CDKL5: variants seen among roughly 807,000 people sequenced by gnomAD.
The protein encoded by CDKL5 is cyclin-dependent kinase-like 5.
CDKL5 carries 8 observed loss-of-function variants against 61.7 expected under a neutral mutation model. The ratio of observed to expected loss-of-function variants is 0.13; its 90% CI spans 0.08 to 0.23. The LOEUF (loss-of-function observed/expected upper bound fraction) is 0.23, where lower values mean the gene tolerates loss of function less well. Among genes scored for constraint, CDKL5 ranks in the 10% least tolerant of loss-of-function variants. The probability of loss-of-function intolerance (pLI) is 1.00; values close to 1 mark genes in which losing one functional copy is unlikely to be tolerated. For synonymous variants in CDKL5, 275 were observed against 272.3 expected (o/e 1.01, Z -0.10); for missense variants, 440 against 734.5 (o/e 0.60, Z 4.63).
intron 8 of CDKL5, 96 bp downstream of exon 8, chrX:18,584,449 T>A: frequency 6.7e-6 from 4 of 596,464 alleles, no homozygotes; most frequent in Non-Finnish European, 8.8e-6. Flanking sequence ...GAACTTCAGT[T>A]AATTAAATGT....
chrX:18,646,859 C>T (rs1424553969), intron 20 of CDKL5, among the ~76,000 whole-genome samples: 2 of 111,963 alleles, frequency 1.8e-5, no homozygotes, highest in Non-Finnish European at 3.8e-5. Flanking sequence ...TTTCTTCCTT[C>T]ATCTCTCCCC....
rs368997720 is a variant in CDKL5 at position 18,613,093 on chromosome X, TAAAAAAAAAA to T, written c.2153-47_2153-38del. The T allele has an allele frequency of 5.2e-3, 3,947 of 765,757 alleles. 13 individuals are homozygous for T. Among genetic ancestry groups the T allele is most frequent in the Middle Eastern group, 0.016 (38 of 2,326 alleles). The allele number at this position is 765,757 out of a possible 1,213,427, so 63.1% of individuals were successfully genotyped here. A position where few individuals can be genotyped will look rare whatever the true frequency, so the allele number is the denominator to read the frequency against. ...CTGGGTGACAGAGCGAGACTCTGTC[TAAAAAAAAAA>T]AAAAAAAAAAAGAAAAGTCCATCAG... On this transcript the variant is annotated intron_variant, in intron 14 of 17. Coordinates refer to ENST00000623535, the MANE Select transcript of CDKL5 (RefSeq NM_001323289.2).
In CDKL5 at chrX:18,598,486, G is replaced by A; in HGVS notation, c.850G>A (p.Asp284Asn). 8.3e-7 allele frequency: 1 copy of A among 1,207,993 alleles called. No individual in the cohort carries two copies. The highest frequency in any genetic ancestry group is 1.8e-5 in the South Asian group (1 of 56,889). Residue 284 changes from aspartate (D) to asparagine (N), a missense_variant, in exon 11 of 18, where the codon GAC (aspartate) becomes AAC (asparagine). Asp to Asn is a conservative substitution (Grantham distance 23). Coordinates refer to ENST00000623535, the MANE Select transcript of CDKL5 (RefSeq NM_001323289.2). ...MKNLLKLDPADRYLTEQCLNH... is the reference protein window; with the variant it reads ...MKNLLKLDPANRYLTEQCLNH... ...GAATTTACTGAAGTTGGACCCAGCT[G>A]ACAGATACTTGACAGAACAGTGTTT...
At chrX:18,454,682 G>T (rs1251688416) in intron 1 of CDKL5, among the ~76,000 whole-genome samples, 1 of 108,094 alleles carries the variant, frequency 9.3e-6, no homozygotes, top group African/African-American at 3.4e-5. Flanking sequence ...TCAGCCTCCC[G>T]AGTAGCTGGG....
chrX:18,514,722 A>G (rs1922951166), intron 3 of CDKL5, among the ~76,000 whole-genome samples: 2 of 110,700 alleles, frequency 1.8e-5, no homozygotes, highest in East Asian at 2.8e-4. Context: ...AAAAAAAAAA[A>G]AAGATATTCT....
At chrX:18,490,493 A>G (rs1921956738) in intron 1 of CDKL5, among the ~76,000 whole-genome samples, 1 of 110,735 alleles carries the variant, frequency 9.0e-6, no homozygotes, top group African/African-American at 3.3e-5. Flanking sequence ...TCAGGTAGGC[A>G]CATGAATCTT....
chrX:18,571,427 C>T (rs1327296188), intron 4 of CDKL5, among the ~76,000 whole-genome samples: 1 of 111,181 alleles, frequency 9.0e-6, no homozygotes. Context: ...TAAACTGGAG[C>T]CCAGCCTTGA....
chrX:18,483,646 T>C (rs1921672339), intron 1 of CDKL5, among the ~76,000 whole-genome samples: 1 of 109,852 alleles, frequency 9.1e-6, no homozygotes, highest in South Asian at 4.0e-4. Context: ...GGTCTTGAAC[T>C]CCTGACCTCG....
intron 3 of CDKL5, among the ~76,000 whole-genome samples, chrX:18,533,049 GAATT>G (rs1923700346): frequency 9.0e-6 from 1 of 111,507 alleles, no homozygotes; most frequent in African/African-American, 3.3e-5. Flanking sequence ...ATTTTTAAAA[GAATT>G]AAAATGTTAA....
chrX:18,624,106 T>C (rs1191270223), intron 16 of CDKL5: 1 of 313,116 alleles, frequency 3.2e-6, no homozygotes, highest in Non-Finnish European at 4.2e-6. Flanking sequence ...CTCTTTATGC[T>C]AGTTAAGTAC....
At chrX:18,575,995 A>T (rs1925284798) in intron 5 of CDKL5, among the ~76,000 whole-genome samples, 1 of 112,280 alleles carries the variant, frequency 8.9e-6, no homozygotes, top group Non-Finnish European at 1.9e-5. Context: ...GAGACCGTAA[A>T]AGAAAAGCAT....
chrX:18,616,828 CA>C (rs1874214465), intron 15 of CDKL5, among the ~76,000 whole-genome samples: 1 of 111,051 alleles, frequency 9.0e-6, no homozygotes, highest in African/African-American at 3.3e-5. Context: ...ATCACATCGC[CA>C]GGGGAGGGGC....
At chrX:18,528,809 AT>A (rs1266473788) in intron 3 of CDKL5, among the ~76,000 whole-genome samples, 1 of 110,236 alleles carries the variant, frequency 9.1e-6, no homozygotes, top group Non-Finnish European at 1.9e-5. Flanking sequence ...AACTTTTTGT[AT>A]TTTTTGTAGA....
Position 18,634,006 on chromosome X carries a change from C to A in CDKL5, c.*5249C>A. The A allele has an allele frequency of 2.7e-6, 2 of 754,009 alleles. No individual in the cohort carries two copies. The highest frequency in any genetic ancestry group is 3.1e-6 in the Non-Finnish European group (2 of 639,170). The allele number at this position is 754,009 out of a possible 1,213,427, so 62.1% of individuals were successfully genotyped here. A position where few individuals can be genotyped will look rare whatever the true frequency, so the allele number is the denominator to read the frequency against. On this transcript the variant is annotated 3_prime_UTR_variant, in exon 18 of 18. Transcript: ENST00000623535. Reference sequence around the variant, plus strand: ...TAGTCGGCACGCTGGATTTGTAGGGCCAGCAAAATTGCGGCAGTGAAACTA... The same window carrying A: ...TAGTCGGCACGCTGGATTTGTAGGGACAGCAAAATTGCGGCAGTGAAACTA...
At chrX:18,508,423 A>T (rs1333285811) in intron 2 of CDKL5, among the ~76,000 whole-genome samples, 1 of 112,005 alleles carries the variant, frequency 8.9e-6, no homozygotes, top group African/African-American at 3.2e-5. Context: ...CCATTTCTTC[A>T]TCGATGTTAT....
intron 3 of CDKL5, among the ~76,000 whole-genome samples, chrX:18,556,955 A>T (rs945860160): frequency 9.0e-6 from 1 of 110,530 alleles, no homozygotes; most frequent in African/African-American, 3.3e-5. Context: ...GCGATAAAGT[A>T]GTAATTTCTG....
chrX:18,426,880 A>G (rs941828059), intron 1 of CDKL5: 1 of 112,369 alleles, frequency 8.9e-6, no homozygotes, highest in Non-Finnish European at 1.9e-5. Context: ...CTGTAGGGTT[A>G]CAAAAAAGAC....
chrX:18,519,839 C>T (rs958146123), intron 3 of CDKL5, among the ~76,000 whole-genome samples: 1 of 112,005 alleles, frequency 8.9e-6, no homozygotes, highest in African/African-American at 3.2e-5. Flanking sequence ...TTCAAAGGAA[C>T]GTAAATAAGA....
At chrX:18,597,839 T>C (rs1926053493) in intron 10 of CDKL5, among the ~76,000 whole-genome samples, 1 of 110,707 alleles carries the variant, frequency 9.0e-6, no homozygotes, top group African/African-American at 3.3e-5. Context: ...CAGATGATCC[T>C]CCTGCCTCGG....
Sources: allele counts gnomAD v4.1 joint callset (sites outside exome capture counted in the v4.1 genomes callset), GRCh38; gene constraint gnomAD v4.1.1; transcripts MANE v1.5; gene names NCBI Gene and HGNC (gene_info 2026-07-23, HGNC 2026-07-21).